SH3GL2: variants seen among roughly 807,000 people sequenced by gnomAD.
SH3GL2 encodes SH3 domain containing GRB2 like 2, endophilin A1, also known as endophilin-A1.
Under a neutral mutation model 46.0 loss-of-function variants are expected in SH3GL2, and 24 were observed. The ratio of observed to expected loss-of-function variants is 0.52; its 90% CI spans 0.38 to 0.73. The LOEUF (loss-of-function observed/expected upper bound fraction) is 0.73. SH3GL2 is among the 30% of genes least tolerant of loss of function. The probability of loss-of-function intolerance (pLI) is 0.00; values close to 1 mark genes in which losing one functional copy is unlikely to be tolerated. For missense variants in SH3GL2, 413 were observed against 424.2 expected, an observed-to-expected ratio of 0.97 and a Z score of 0.23; for synonymous variants, 196 against 147.1, an observed-to-expected ratio of 1.33 and a Z score of -2.40.
At position 17,791,166 on chromosome 9, in the gene SH3GL2, C is replaced by G. The variant is rs112007018; in HGVS notation, c.625-65C>G. On this transcript the variant is annotated intron_variant, in intron 6 of 8. Transcript: ENST00000380607. ...GGGCAGCCCTGGTGTATGTATGAAA[C>G]AGTAGTGGCTGTTTAGGGATGGTAA... The G allele has an allele frequency of 2.8e-4, 324 of 1,140,544 alleles. 4 individuals carry two copies. In the African/African-American group the frequency reaches 3.0e-3, roughly 11 times the overall value. The allele number at this position is 1,140,544 out of a possible 1,614,324, so 70.7% of individuals were successfully genotyped here. A position where few individuals can be genotyped will look rare whatever the true frequency, so the allele number is the denominator to read the frequency against.
intron 3 of SH3GL2, among the ~76,000 whole-genome samples, chr9:17,783,413 A>G (rs529581322): frequency 1.3e-5 from 2 of 151,590 alleles, no homozygotes; most frequent in Admixed American, 6.6e-5. Context: ...AGGACAGACC[A>G]GGCAGTGACT....
chr9:17,676,347 T>A (rs1357068682), intron 1 of SH3GL2, among the ~76,000 whole-genome samples: 4 of 152,190 alleles, frequency 2.6e-5, no homozygotes, highest in African/African-American at 7.2e-5. Context: ...GGCTCACGCA[T>A]GTAATCCCAG....
chr9:17,758,846 C>T (rs1823085811), intron 2 of SH3GL2, among the ~76,000 whole-genome samples: 1 of 152,108 alleles, frequency 6.6e-6, no homozygotes, highest in African/African-American at 2.4e-5. Flanking sequence ...AGTCGGTAAA[C>T]ATCTGGGTGG....
At chr9:17,745,393 A>G (rs974001275) in intron 1 of SH3GL2, among the ~76,000 whole-genome samples, 2 of 152,318 alleles carry the variant, frequency 1.3e-5, no homozygotes, top group East Asian at 1.9e-4. Context: ...GATTTATTGT[A>G]TACCATGTAG....
At chr9:17,739,718 A>G (rs2118484757) in intron 1 of SH3GL2, among the ~76,000 whole-genome samples, 1 of 152,312 alleles carries the variant, frequency 6.6e-6, no homozygotes, top group South Asian at 2.1e-4. Flanking sequence ...ATGTAGTTAT[A>G]AACCATCTTT....
chr9:17,740,154 T>A (rs3808685), intron 1 of SH3GL2, among the ~76,000 whole-genome samples: 69,698 of 151,920 alleles, frequency 0.46, 16,069 homozygotes, highest in African/African-American at 0.48. Context: ...AATAAAATTA[T>A]CTCAATTTAG....
At chr9:17,728,432 C>A (rs1295103675) in intron 1 of SH3GL2, among the ~76,000 whole-genome samples, 2 of 151,830 alleles carry the variant, frequency 1.3e-5, no homozygotes, top group Non-Finnish European at 2.9e-5. Flanking sequence ...TACAGATACT[C>A]TTCTGAATTT....
intron 1 of SH3GL2, among the ~76,000 whole-genome samples, chr9:17,581,560 T>G (rs1339598681): frequency 6.6e-6 from 1 of 152,198 alleles, no homozygotes; most frequent in African/African-American, 2.4e-5. Flanking sequence ...AGAGAAATAG[T>G]CCTGTCCTAC....
intron 2 of SH3GL2, among the ~76,000 whole-genome samples, chr9:17,757,911 G>A (rs1823046617): frequency 6.6e-6 from 1 of 152,180 alleles, no homozygotes. Context: ...GGGGTCTCAT[G>A]GGGTTATGGC....
At chr9:17,626,093 G>A (rs1194340882) in intron 1 of SH3GL2, among the ~76,000 whole-genome samples, 2 of 152,200 alleles carry the variant, frequency 1.3e-5, no homozygotes, top group African/African-American at 4.8e-5. Flanking sequence ...TGGCTCTTTG[G>A]TTTTGGTTCC....
At chr9:17,583,976 T>C (rs1259157705) in intron 1 of SH3GL2, among the ~76,000 whole-genome samples, 2 of 152,204 alleles carry the variant, frequency 1.3e-5, no homozygotes, top group Admixed American at 6.5e-5. Flanking sequence ...AGCAGTCAAC[T>C]CTCTGCTGCC....
chr9:17,661,192 TA>T (rs1397284311), intron 1 of SH3GL2, among the ~76,000 whole-genome samples: 20 of 151,502 alleles, frequency 1.3e-4, no homozygotes, highest in African/African-American at 4.6e-4. Context: ...AAAACAAAAT[TA>T]ATGTTCAGCG....
intron 1 of SH3GL2, among the ~76,000 whole-genome samples, chr9:17,681,341 T>C (rs145090561): frequency 1.3e-5 from 2 of 152,296 alleles, no homozygotes; most frequent in African/African-American, 4.8e-5. Context: ...TGTCCTTTTT[T>C]GTTCTCTTTT....
chr9:17,627,953 A>G (rs79667369), intron 1 of SH3GL2, among the ~76,000 whole-genome samples: 2 of 152,084 alleles, frequency 1.3e-5, no homozygotes, highest in Non-Finnish European at 2.9e-5. Flanking sequence ...CGGGCTTCTT[A>G]CTTTTCTCCT....
chr9:17,641,698 T>C (rs1373390467), intron 1 of SH3GL2, among the ~76,000 whole-genome samples: 4 of 152,186 alleles, frequency 2.6e-5, no homozygotes, highest in Admixed American at 6.5e-5. Context: ...GTGTTTGGTT[T>C]TCTGTTCCTC....
chr9:17,765,761 G>C (rs186171009), intron 3 of SH3GL2, among the ~76,000 whole-genome samples: 82 of 152,236 alleles, frequency 5.4e-4, no homozygotes, highest in African/African-American at 1.9e-3. Context: ...CTGCTTTTCA[G>C]TGGGGCACAT....
intron 1 of SH3GL2, among the ~76,000 whole-genome samples, chr9:17,709,699 A>G (rs997948992): frequency 1.3e-5 from 2 of 151,782 alleles, no homozygotes; most frequent in Non-Finnish European, 2.9e-5. Context: ...ACACACACAC[A>G]CACACACACA....
intron 7 of SH3GL2, 24 bp from the exon 8 acceptor site, chr9:17,793,343 C>T (rs192102717): frequency 6.3e-7 from 1 of 1,599,442 alleles, no homozygotes; most frequent in Non-Finnish European, 8.5e-7. Flanking sequence ...CATAACCTTT[C>T]CACCACTTTT....
At chr9:17,753,883 A>G (rs1384878960) in intron 2 of SH3GL2, among the ~76,000 whole-genome samples, 2 of 152,132 alleles carry the variant, frequency 1.3e-5, no homozygotes, top group African/African-American at 4.8e-5. Context: ...TCCAGTTTCA[A>G]TCTTCTGCAT....
Sources: allele counts gnomAD v4.1 joint callset (sites outside exome capture counted in the v4.1 genomes callset), GRCh38; gene constraint gnomAD v4.1.1; transcripts MANE v1.5; gene names NCBI Gene and HGNC (gene_info 2026-07-23, HGNC 2026-07-21).